CCSER1: variants seen among roughly 807,000 people sequenced by gnomAD.
The protein encoded by CCSER1 is serine-rich coiled-coil domain-containing protein 1.
CCSER1 carries 41 observed loss-of-function variants against 82.0 expected under a neutral mutation model. The observed-to-expected ratio is 0.50, with a 90% CI of 0.39 to 0.65. The LOEUF (loss-of-function observed/expected upper bound fraction) is 0.65, where lower values mean the gene tolerates loss of function less well. CCSER1 is among the 30% of genes least tolerant of loss of function. CCSER1 has a pLI of 0.00. For missense variants in CCSER1, 1,119 were observed against 1,064.2 expected (o/e 1.05, Z -0.72); for synonymous variants, 414 against 383.9 (o/e 1.08, Z -0.92).
chr4:91,047,549 C>A (rs1158378191), intron 9 of CCSER1, among the ~76,000 whole-genome samples: 1 of 152,060 alleles, frequency 6.6e-6, no homozygotes, highest in East Asian at 1.9e-4. Context: ...AATTGGATTC[C>A]ATTTCTGATT....
chr4:90,406,464 G>A (rs1560465958), intron 4 of CCSER1, among the ~76,000 whole-genome samples: 2 of 152,174 alleles, frequency 1.3e-5, no homozygotes, highest in South Asian at 2.1e-4. Flanking sequence ...AAGACAGAAA[G>A]TCAGCAAAGA....
At chr4:91,563,744 G>A (rs147448021) in intron 10 of CCSER1, among the ~76,000 whole-genome samples, 1 of 151,672 alleles carries the variant, frequency 6.6e-6, no homozygotes, top group Non-Finnish European at 1.5e-5. Context: ...CAAATCAGAA[G>A]CAAGTAAAAT....
intron 8 of CCSER1, among the ~76,000 whole-genome samples, chr4:90,896,726 C>T (rs987400350): frequency 1.3e-5 from 2 of 151,822 alleles, no homozygotes; most frequent in African/African-American, 2.4e-5. Context: ...GACATTTTTG[C>T]TTGTTAACAA....
At chr4:90,841,577 CAAAAAAA>C (rs750390139) in intron 8 of CCSER1, among the ~76,000 whole-genome samples, 2 of 50,922 alleles carry the variant, frequency 3.9e-5, no homozygotes, top group South Asian at 7.2e-4. Flanking sequence ...GACTCTGTCT[CAAAAAAA>C]AAAAAAAAAA....
intron 10 of CCSER1, among the ~76,000 whole-genome samples, chr4:91,427,452 G>T (rs1754050939): frequency 6.6e-6 from 1 of 151,998 alleles, no homozygotes; most frequent in Non-Finnish European, 1.5e-5. Flanking sequence ...AGCCATTCAA[G>T]GATTCAGTTT....
intron 10 of CCSER1, among the ~76,000 whole-genome samples, chr4:91,144,439 A>G (rs1437266627): frequency 6.6e-6 from 1 of 151,488 alleles, no homozygotes; most frequent in African/African-American, 2.4e-5. Flanking sequence ...TTTTGTATGA[A>G]TTTTTGGGTC....
At chr4:90,229,228 G>A (rs576291371) in intron 1 of CCSER1, among the ~76,000 whole-genome samples, 122 of 152,194 alleles carry the variant, frequency 8.0e-4, no homozygotes, top group African/African-American at 1.7e-3. Context: ...GAGAAAGGTC[G>A]GGTTACCCAC....
intron 1 of CCSER1, among the ~76,000 whole-genome samples, chr4:90,291,124 G>A (rs1730858805): frequency 7.1e-6 from 1 of 140,054 alleles, no homozygotes; most frequent in Non-Finnish European, 1.5e-5. Flanking sequence ...CAGAGCAAGA[G>A]TGTTTTTACT....
chr4:90,982,917 C>T (rs1026658363), intron 9 of CCSER1, among the ~76,000 whole-genome samples: 2 of 151,814 alleles, frequency 1.3e-5, no homozygotes, highest in Non-Finnish European at 2.9e-5. Flanking sequence ...TGAACCCATA[C>T]TCACTTGCAC....
In CCSER1 at chr4:90,155,741, C is replaced by T. The variant is rs1011503597; in HGVS notation, c.-42+27910C>T. Among the ~76,000 whole-genome samples the T allele has an allele frequency of 1.4e-4, 21 of 151,836 alleles. No homozygotes were observed. In the South Asian group the frequency reaches 1.9e-3, roughly 14 times the overall value. ...GTATCCCCTTTATCATTTTTTATTG[C>T]GTTTATTTGATTCTTCTCTTTTTTC... is the stretch of plus-strand genomic sequence containing the variant. On this transcript the variant is annotated intron_variant, in intron 1 of 10. Transcript: ENST00000509176.
At chr4:90,428,648 GC>G (rs1244970616) in intron 4 of CCSER1, among the ~76,000 whole-genome samples, 1 of 151,788 alleles carries the variant, frequency 6.6e-6, no homozygotes, top group Non-Finnish European at 1.5e-5. Context: ...TATTCAGTAG[GC>G]CAAGGAGGAG....
intron 8 of CCSER1, among the ~76,000 whole-genome samples, chr4:90,887,742 C>T (rs1031838392): frequency 9.9e-5 from 15 of 151,978 alleles, no homozygotes; most frequent in South Asian, 2.1e-4. Context: ...ATTAGTTAGG[C>T]GTGGTGGTGC....
intron 1 of CCSER1, among the ~76,000 whole-genome samples, chr4:90,296,631 A>T (rs1157883151): frequency 3.9e-5 from 6 of 152,110 alleles, no homozygotes; most frequent in Non-Finnish European, 1.5e-5. Flanking sequence ...TTTAGGTCTA[A>T]CGTTTAAGTC....
intron 9 of CCSER1, among the ~76,000 whole-genome samples, chr4:90,945,019 C>T (rs767805636): frequency 3.3e-5 from 5 of 152,086 alleles, no homozygotes; most frequent in Non-Finnish European, 7.4e-5. Context: ...TTTGGTTTCT[C>T]TTCCGTGTTT....
At chr4:90,541,728 G>T (rs1776138314) in intron 5 of CCSER1, among the ~76,000 whole-genome samples, 1 of 151,924 alleles carries the variant, frequency 6.6e-6, no homozygotes, top group Non-Finnish European at 1.5e-5. Context: ...TAAATGTTAT[G>T]ATGTTATGTT....
chr4:90,917,536 T>G (rs1024834013), intron 8 of CCSER1, among the ~76,000 whole-genome samples: 2 of 152,138 alleles, frequency 1.3e-5, no homozygotes, highest in Non-Finnish European at 1.5e-5. Context: ...GGGGGAGGGA[T>G]AGCATTAGGA....
At chr4:91,155,750 T>C (rs1730752129) in intron 10 of CCSER1, among the ~76,000 whole-genome samples, 1 of 151,810 alleles carries the variant, frequency 6.6e-6, no homozygotes, top group Non-Finnish European at 1.5e-5. Context: ...AATTGTAAGA[T>C]AGAAAAGATA....
rs560005358 is a variant in CCSER1 at position 91,063,127 on chromosome 4, C to T, written c.2173-22823C>T. On this transcript the variant is annotated intron_variant, in intron 9 of 10. Coordinates refer to ENST00000509176, the MANE Select transcript of CCSER1 (RefSeq NM_001145065.2). ...AGTAAAATAGAAAATCTTGAAGTTT[C>T]GTGTTCCCAACCAAAGACGAGAAGA... Among the ~76,000 whole-genome samples, 25 of 152,124 alleles carry T rather than the reference C, an allele frequency of 1.6e-4. No homozygotes were observed. The East Asian group carries it at 1.9e-3, about 12-fold the overall frequency.
chr4:90,921,731 T>C (rs898472132), intron 8 of CCSER1, among the ~76,000 whole-genome samples: 1 of 152,034 alleles, frequency 6.6e-6, no homozygotes, highest in African/African-American at 2.4e-5. Context: ...TCCCCTGCTC[T>C]ATACATGAGT....
Sources: gnomAD v4.1 joint callset for allele counts (sites outside exome capture counted in the v4.1 genomes callset) on GRCh38, gnomAD v4.1.1 for gene constraint, MANE v1.5 for transcripts, NCBI Gene and HGNC (gene_info 2026-07-23, HGNC 2026-07-21) for gene names.